EYS: variants seen among roughly 807,000 people sequenced by gnomAD.
EYS encodes EGF-like photoreceptor maintenance factor, also known as protein eyes shut homolog.
Under a neutral mutation model 282.1 loss-of-function variants are expected in EYS, and 250 were observed. That is an observed-to-expected ratio of 0.89 (90% confidence interval 0.80 to 0.98). The LOEUF (loss-of-function observed/expected upper bound fraction) is 0.98, where lower values mean the gene tolerates loss of function less well. Among genes scored for constraint, EYS ranks in the 50% least tolerant of loss-of-function variants. EYS has a pLI of 0.00. For missense variants in EYS, 4,016 were observed against 3,709.0 expected (o/e 1.08, Z -2.15); for synonymous variants, 1,355 against 1,282.9 (o/e 1.06, Z -1.20).
At position 65,423,902 on chromosome 6, in the gene EYS, T is replaced by C. The variant is rs181621699; in HGVS notation, c.863-18535A>G. On this transcript the variant is annotated intron_variant, in intron 5 of 42. Coordinates refer to ENST00000503581, the MANE Select transcript of EYS (RefSeq NM_001142800.2). ...TTTATCCCTGAGAGTGTTTATTTAA[T>C]TATATTTGTTGAATAAATAAATCCC... Among the ~76,000 whole-genome samples the C allele has an allele frequency of 8.1e-3, 1,235 of 152,182 alleles. 12 individuals carry two copies. Among genetic ancestry groups the C allele is most frequent in the Non-Finnish European group, 0.013 (854 of 67,968 alleles).
intron 30 of EYS, among the ~76,000 whole-genome samples, chr6:64,270,179 T>A (rs1767894381): frequency 6.6e-6 from 1 of 152,162 alleles, no homozygotes; most frequent in Admixed American, 6.6e-5. Flanking sequence ...ATAATGGTGC[T>A]ATTTATATGC....
chr6:64,808,426 TA>T lies in EYS; in HGVS notation c.3443+4951del, dbSNP rs202172043. Among the ~76,000 whole-genome samples the T allele has an allele frequency of 7.0e-3, 1,070 of 152,242 alleles. 3 individuals are homozygous for T. The highest frequency in any genetic ancestry group is 0.011 in the Non-Finnish European group (736 of 67,992). ...TAGCTTTATATTTGTATATATCAAA[TA>T]TATAATTTAACTGAGACAACATGAG... On this transcript the variant is annotated intron_variant, in intron 22 of 42. Transcript: ENST00000503581.
chr6:64,318,031 G>A (rs1183858331), intron 29 of EYS, among the ~76,000 whole-genome samples: 1 of 152,056 alleles, frequency 6.6e-6, no homozygotes, highest in Non-Finnish European at 1.5e-5. Context: ...CTTGTCAGGG[G>A]GTGGGGGCCT....
Position 65,335,131 on chromosome 6 carries a change from A to T in EYS, c.1615T>A (p.Cys539Ser), listed in dbSNP as rs868112858. The change falls in exon 11 of 43, where the codon TGC becomes AGC. Residue 539 changes from cysteine (C) to serine (S), a missense_variant. By Grantham distance (112) the Cys-to-Ser change is moderately radical (BLOSUM62 -1). Coordinates refer to ENST00000503581, the MANE Select transcript of EYS (RefSeq NM_001142800.2). ...EGTKEICANGCSCLSEEDSQE... is the reference protein window; with the variant it reads ...EGTKEICANGSSCLSEEDSQE... ...CTGTCTTCTTCACTCAAACAACTGC[A>T]TCCATTTGCACAAATCTATAGCAAC... is the stretch of plus-strand genomic sequence containing the variant. The T allele has an allele frequency of 6.8e-6, 11 of 1,610,532 alleles. 1 individual carries two copies. In the Middle Eastern group the frequency reaches 1.8e-3, roughly 267 times the overall value.
chr6:64,999,607 G>A (rs1771394649), intron 13 of EYS, among the ~76,000 whole-genome samples: 1 of 152,156 alleles, frequency 6.6e-6, no homozygotes, highest in African/African-American at 2.4e-5. Context: ...CACATCGTGT[G>A]CCTATAAAAA....
chr6:64,559,269 GCA>G (rs141717237), intron 26 of EYS, among the ~76,000 whole-genome samples: 12 of 122,748 alleles, frequency 9.8e-5, no homozygotes, highest in South Asian at 3.1e-4. Flanking sequence ...GTGTGTGTGT[GCA>G]TGTGTGTGTG....
chr6:64,274,628 G>A (rs1768053798), intron 30 of EYS, among the ~76,000 whole-genome samples: 1 of 151,770 alleles, frequency 6.6e-6, no homozygotes, highest in South Asian at 2.1e-4. Context: ...TCAGTCAGAT[G>A]TCAGCCCAGA....
intron 2 of EYS, among the ~76,000 whole-genome samples, chr6:65,498,212 C>T (rs1766323390): frequency 6.6e-6 from 1 of 151,958 alleles, no homozygotes; most frequent in African/African-American, 2.4e-5. Context: ...GAGTGATTTT[C>T]TAGCACAAGT....
At chr6:65,515,198 C>T (rs1168642104) in intron 2 of EYS, among the ~76,000 whole-genome samples, 5 of 151,542 alleles carry the variant, frequency 3.3e-5, no homozygotes, top group Admixed American at 3.3e-4. Flanking sequence ...AAATGCTCAC[C>T]ATCACTGGCC....
intron 22 of EYS, among the ~76,000 whole-genome samples, chr6:64,767,121 T>C (rs144764503): frequency 1.3e-5 from 2 of 152,054 alleles, no homozygotes; most frequent in African/African-American, 4.8e-5. Context: ...CTTTTTACAT[T>C]AGTTTTCATA....
chr6:65,457,008 GAGTTTA>G (rs1236125896), intron 5 of EYS, among the ~76,000 whole-genome samples: 1 of 144,436 alleles, frequency 6.9e-6, no homozygotes, highest in Non-Finnish European at 1.6e-5. Context: ...TTACCCCCTT[GAGTTTA>G]GGCATAGCTT....
intron 7 of EYS, among the ~76,000 whole-genome samples, chr6:65,402,273 C>T (rs372097470): frequency 5.3e-5 from 8 of 151,782 alleles, no homozygotes; most frequent in African/African-American, 1.7e-4. Flanking sequence ...TTGAGAATTT[C>T]TCAATTTCTC....
intron 1 of EYS, among the ~76,000 whole-genome samples, chr6:65,666,681 A>G (rs1457689324): frequency 6.6e-6 from 1 of 151,566 alleles, no homozygotes; most frequent in African/African-American, 2.4e-5. Context: ...TTTCTCTAAC[A>G]TATTAAAATA....
intron 2 of EYS, among the ~76,000 whole-genome samples, chr6:65,630,686 C>G (rs10944828): frequency 1.3e-5 from 2 of 152,018 alleles, no homozygotes; most frequent in Non-Finnish European, 2.9e-5. Context: ...AAGCACATCA[C>G]AGTGTCATTG....
chr6:64,034,399 A>G (rs574167654), intron 33 of EYS, among the ~76,000 whole-genome samples: 3 of 152,278 alleles, frequency 2.0e-5, no homozygotes, highest in East Asian at 3.9e-4. Flanking sequence ...TATTTTACAG[A>G]TAAGGTAATC....
chr6:63,902,771 A>T (rs1047780246), intron 35 of EYS, among the ~76,000 whole-genome samples: 14 of 152,164 alleles, frequency 9.2e-5, no homozygotes, highest in Non-Finnish European at 1.8e-4. Context: ...TATGCTAAAA[A>T]TATTGACTGT....
intron 22 of EYS, among the ~76,000 whole-genome samples, chr6:64,674,350 T>G (rs1177818493): frequency 6.6e-6 from 1 of 152,050 alleles, no homozygotes; most frequent in African/African-American, 2.4e-5. Context: ...TATTTCAATT[T>G]GGCAAAGTGT....
chr6:65,158,193 C>A (rs574458193), intron 12 of EYS, among the ~76,000 whole-genome samples: 1 of 150,714 alleles, frequency 6.6e-6, no homozygotes, highest in Admixed American at 6.6e-5. Context: ...ACTATTCATG[C>A]TTTTGTAGAC....
chr6:65,239,461 T>C (rs1015900155), intron 12 of EYS, among the ~76,000 whole-genome samples: 1 of 152,094 alleles, frequency 6.6e-6, no homozygotes, highest in South Asian at 2.1e-4. Context: ...AAATACATAA[T>C]GTAAATTTTC....
Sources: allele counts gnomAD v4.1 joint callset (sites outside exome capture counted in the v4.1 genomes callset), GRCh38; gene constraint gnomAD v4.1.1; transcripts MANE v1.5; gene names NCBI Gene and HGNC (gene_info 2026-07-23, HGNC 2026-07-21).